Variants in NUP160 observed in about 807,000 individuals in gnomAD.
The protein encoded by NUP160 is nuclear pore complex protein Nup160.
A neutral mutation model predicts 196.9 loss-of-function variants in NUP160; 94 were observed. The observed-to-expected ratio is 0.48, with a 90% CI of 0.40 to 0.57. The LOEUF is 0.57. Among genes scored for constraint, NUP160 ranks in the 20% least tolerant of loss-of-function variants. The probability of loss-of-function intolerance (pLI) is 0.00; values close to 1 mark genes in which losing one functional copy is unlikely to be tolerated. For synonymous variants in NUP160, 605 were observed against 619.7 expected (o/e 0.98, Z 0.35); for missense variants, 1,638 against 1,748.3 (o/e 0.94, Z 1.13).
chr11:47,809,734 C>CA (rs779243939), intron 17 of NUP160, among the ~76,000 whole-genome samples: 20,376 of 47,888 alleles, frequency 0.43, 5,467 homozygotes, highest in Non-Finnish European at 0.49. Flanking sequence ...GCAAGACTCT[C>CA]AAAAAAAAAA....
chr11:47,843,932 T>C (rs1382278021), intron 2 of NUP160, among the ~76,000 whole-genome samples: 1 of 152,214 alleles, frequency 6.6e-6, no homozygotes, highest in Non-Finnish European at 1.5e-5. Context: ...AGATTACACC[T>C]GTCCAAAACA....
At chr11:47,821,899 T>C in intron 8 of NUP160, 78 bp from the exon 9 acceptor site, 2 of 1,186,738 alleles carry the variant, frequency 1.7e-6, no homozygotes, top group African/African-American at 3.0e-5. Context: ...TTTTCATCAG[T>C]AGGAGAGGTA....
At chr11:47,824,716 G>A (rs1020653826) in intron 7 of NUP160, among the ~76,000 whole-genome samples, 5 of 152,114 alleles carry the variant, frequency 3.3e-5, no homozygotes, top group African/African-American at 1.2e-4. Context: ...GTAGCTCAAC[G>A]TTAACCTCCA....
At chr11:47,803,177 A>ATAATAC (rs1179619053) in intron 22 of NUP160, among the ~76,000 whole-genome samples, 4 of 148,932 alleles carry the variant, frequency 2.7e-5, no homozygotes, top group Non-Finnish European at 5.9e-5. Flanking sequence ...AATAATAATA[A>ATAATAC]TAAAAGGAAT....
chr11:47,802,842 G>C (rs2097675025), intron 22 of NUP160, among the ~76,000 whole-genome samples: 1 of 151,846 alleles, frequency 6.6e-6, no homozygotes. Flanking sequence ...AGGAATGGTG[G>C]CTCACGCCTG....
exon 28 of NUP160, chr11:47,792,842 A>G (rs1158522078): frequency 1.2e-6 from 2 of 1,614,068 alleles, no homozygotes; most frequent in African/African-American, 1.3e-5. Flanking sequence ...ATAAGTCGTA[A>G]ACAATTGAGA....
chr11:47,806,208 C>T, exon 20 of NUP160: 1 of 1,614,036 alleles, frequency 6.2e-7, no homozygotes, highest in Non-Finnish European at 8.5e-7. Context: ...CAATTCAATC[C>T]AGTTTGGCTC....
exon 7 of NUP160, chr11:47,835,778 A>G: frequency 6.3e-7 from 1 of 1,598,376 alleles, no homozygotes; most frequent in Non-Finnish European, 8.5e-7. Context: ...GACATACTCC[A>G]GCATGTCAGC....
intron 23 of NUP160, among the ~76,000 whole-genome samples, chr11:47,801,548 G>C (rs2097674182): frequency 6.6e-6 from 1 of 151,974 alleles, no homozygotes; most frequent in African/African-American, 2.4e-5. Flanking sequence ...CAGGGTTTTG[G>C]CATGTTGGCC....
chr11:47,842,861 G>A (rs539454120), intron 2 of NUP160, among the ~76,000 whole-genome samples: 6 of 152,168 alleles, frequency 3.9e-5, no homozygotes, highest in African/African-American at 1.2e-4. Flanking sequence ...GGTGATGCCC[G>A]CCTGTAATCT....
At chr11:47,814,538 CAA>C (rs1164398938) in intron 13 of NUP160, among the ~76,000 whole-genome samples, 7 of 91,256 alleles carry the variant, frequency 7.7e-5, no homozygotes, top group African/African-American at 9.1e-5. Context: ...AAGACTGTCT[CAA>C]AAAAAAAAAA....
chr11:47,827,299 G>T, intron 7 of NUP160: 1 of 369,956 alleles, frequency 2.7e-6, no homozygotes, highest in Non-Finnish European at 5.4e-6. Flanking sequence ...GAGAGGTGGA[G>T]GTTGCAGTGA....
intron 12 of NUP160, 139 bp from the exon 13 acceptor site, chr11:47,815,788 T>A (rs1415725924): frequency 2.2e-6 from 2 of 890,246 alleles, no homozygotes; most frequent in African/African-American, 1.7e-5. Context: ...CCATAGACTA[T>A]GCAAATGTGT....
intron 7 of NUP160, among the ~76,000 whole-genome samples, chr11:47,832,419 A>G (rs879627832): frequency 1.9e-4 from 29 of 152,374 alleles, no homozygotes; most frequent in Non-Finnish European, 1.5e-4. Flanking sequence ...TCCGGAGGTC[A>G]TAAGATTTGC....
chr11:47,779,857 A>G (rs1417644667), intron 35 of NUP160, among the ~76,000 whole-genome samples: 1 of 152,096 alleles, frequency 6.6e-6, no homozygotes, highest in Admixed American at 6.6e-5. Flanking sequence ...CCTCCCGAGT[A>G]GCTGGGATTA....
At position 47,825,615 on chromosome 11, in the gene NUP160, A is replaced by G. The variant is rs551823834; in HGVS notation, c.1102-3451T>C. On this transcript the variant is annotated intron_variant, in intron 7 of 35. Coordinates refer to ENST00000378460, the Ensembl canonical transcript of NUP160. ...TTTACAGGCACGCACTACCATGCCC[A>G]GCTAGTTTTCGTATTTTAGTAGAGA... is the stretch of plus-strand genomic sequence containing the variant. 2.6e-5 allele frequency among the ~76,000 whole-genome samples: 4 copies of G among 152,086 alleles called. No individual in the cohort carries two copies. The South Asian group carries it at 6.2e-4, about 24-fold the overall frequency.
intron 19 of NUP160, 149 bp from the exon 20 acceptor site, chr11:47,806,461 T>C (rs1429367647): frequency 1.7e-6 from 1 of 576,974 alleles, no homozygotes; most frequent in Non-Finnish European, 3.0e-6. Flanking sequence ...AGTGGCAATA[T>C]AAATAAAAGT....
intron 31 of NUP160, 32 bp from the exon 32 acceptor site, chr11:47,786,586 T>G (rs894063727): frequency 7.5e-7 from 1 of 1,336,554 alleles, no homozygotes; most frequent in Non-Finnish European, 1.1e-6. Flanking sequence ...ACTTGAAAAC[T>G]GAACGCTGAA....
intron 17 of NUP160, among the ~76,000 whole-genome samples, chr11:47,809,734 C>CAAAAAAAAAAAAAAAA (rs779243939): frequency 2.1e-5 from 1 of 47,906 alleles, no homozygotes. Context: ...GCAAGACTCT[C>CAAAAAAAAAAAAAAAA]AAAAAAAAAA....
Sources: gnomAD v4.1 joint callset for allele counts (sites outside exome capture counted in the v4.1 genomes callset) on GRCh38, gnomAD v4.1.1 for gene constraint, MANE v1.5 for transcripts, NCBI Gene and HGNC (gene_info 2026-07-23, HGNC 2026-07-21) for gene names.